Variants in DNAH12 observed in about 807,000 individuals in gnomAD.
DNAH12 encodes the protein dynein axonemal heavy chain 12, also known as axonemal beta dynein heavy chain 12.
In DNAH12, 285 loss-of-function variants were observed where a neutral mutation model predicts 371.5. The ratio of observed to expected loss-of-function variants is 0.77; its 90% CI spans 0.70 to 0.85. The LOEUF (loss-of-function observed/expected upper bound fraction) is 0.85, where lower values mean the gene tolerates loss of function less well. DNAH12 is among the 40% of genes least tolerant of loss of function. DNAH12 has a pLI of 0.00. For synonymous variants in DNAH12, 1,200 were observed against 1,213.0 expected (o/e 0.99, Z 0.22); for missense variants, 3,611 against 3,689.4 (o/e 0.98, Z 0.55).
the DNAH12 span, among the ~76,000 whole-genome samples, chr3:57,554,016 G>A: frequency 6.6e-6 from 1 of 150,974 alleles, no homozygotes; most frequent in Admixed American, 6.6e-5. Flanking sequence ...GTAGAGACAG[G>A]GTTTCACCAT....
At chr3:57,514,846 C>G (rs1188394498) in intron 4 of DNAH12, among the ~76,000 whole-genome samples, 3 of 151,998 alleles carry the variant, frequency 2.0e-5, no homozygotes, top group Admixed American at 2.0e-4. Context: ...CAATACTGAA[C>G]ACAATATTTT....
intron 2 of DNAH12, among the ~76,000 whole-genome samples, chr3:57,536,057 G>A (rs190364857): frequency 8.5e-4 from 128 of 150,832 alleles, no homozygotes; most frequent in African/African-American, 2.8e-3. Context: ...GGCTGGTCTC[G>A]AACTCCTGAC....
At chr3:57,548,911 A>G (rs1476555280), upstream of DNAH12, 1 of 152,252 alleles carries the variant, frequency 6.6e-6, no homozygotes, top group Non-Finnish European at 1.5e-5. Context: ...CTGCATAAGG[A>G]TGACACACAA....
chr3:57,496,068 C>A (rs1418252143), intron 11 of DNAH12, among the ~76,000 whole-genome samples: 3 of 150,534 alleles, frequency 2.0e-5, no homozygotes, highest in Non-Finnish European at 4.4e-5. Flanking sequence ...ACATAACAAT[C>A]CTAAATATCT....
In DNAH12 at chr3:57,344,942, C is replaced by A. The variant is rs139576968; in HGVS notation, c.9674+7143G>T. 5.3e-3 allele frequency among the ~76,000 whole-genome samples: 813 copies of A among 152,174 alleles called. 10 individuals carry two copies. Among genetic ancestry groups the A allele is most frequent in the African/African-American group, 0.019 (788 of 41,528 alleles). On this transcript the variant is annotated intron_variant, in intron 60 of 73. Coordinates refer to ENST00000495027, the MANE Select transcript of DNAH12 (RefSeq NM_001366028.2). ...CACAGGAGTTAAGGTGCTGACCCCC[C>A]ATGTGGTCAAAATTCATGTATAATT...
intron 58 of DNAH12, among the ~76,000 whole-genome samples, chr3:57,359,008 G>A (rs1179780231): frequency 4.6e-5 from 7 of 151,812 alleles, no homozygotes; most frequent in African/African-American, 1.5e-4. Flanking sequence ...AGTCTCGAAC[G>A]CTTGACCTCA....
chr3:57,419,410 T>C lies in DNAH12; in HGVS notation c.5671A>G (p.Ile1891Val). The change falls in exon 37 of 74, where the codon ATT becomes GTT. Residue 1891 changes from isoleucine (I) to valine (V), a missense_variant. Coordinates refer to ENST00000495027, the MANE Select transcript of DNAH12 (RefSeq NM_001366028.2). The part of the protein sequence containing the change: ...QDIIVPTMDT[I>V]RYTFLMDLSI... ...AAATCCATTAGAAACGTATATCTAA[T>C]TGTGTCCATCGTAGGGACTATGATA... 1.3e-6 allele frequency: 2 copies of C among 1,513,632 alleles called. No individual in the cohort carries two copies. The highest frequency in any genetic ancestry group is 1.4e-5 in the African/African-American group (1 of 70,564). The allele number at this position is 1,513,632 out of a possible 1,614,324, so 93.8% of individuals were successfully genotyped here.
At chr3:57,364,849 C>A (rs1238493955) in intron 57 of DNAH12, among the ~76,000 whole-genome samples, 3 of 152,180 alleles carry the variant, frequency 2.0e-5, no homozygotes, top group Non-Finnish European at 4.4e-5. Flanking sequence ...ATGTGGCCAA[C>A]AAACATATGA....
chr3:57,539,827 A>G (rs1322012346), intron 2 of DNAH12, among the ~76,000 whole-genome samples: 3 of 151,762 alleles, frequency 2.0e-5, no homozygotes, highest in Non-Finnish European at 4.4e-5. Flanking sequence ...TGTGTTAGCC[A>G]GGATGGTCTT....
At chr3:57,327,123 A>C (rs2061968704) in intron 62 of DNAH12, among the ~76,000 whole-genome samples, 1 of 151,994 alleles carries the variant, frequency 6.6e-6, no homozygotes, top group African/African-American at 2.4e-5. Flanking sequence ...AGACTTTAAC[A>C]CCCCACTGTC....
intron 25 of DNAH12, among the ~76,000 whole-genome samples, chr3:57,448,719 T>C (rs1389044660): frequency 1.3e-5 from 2 of 150,706 alleles, no homozygotes; most frequent in African/African-American, 2.4e-5. Flanking sequence ...AGGGTGCTGA[T>C]TGGTGCATTT....
chr3:57,459,916 T>C, intron 19 of DNAH12, 130 bp from the exon 20 acceptor site: 1 of 787,154 alleles, frequency 1.3e-6, no homozygotes, highest in Non-Finnish European at 1.7e-6. Context: ...TAAGGTTACT[T>C]ATGTATGTCT....
At chr3:57,302,556 T>TG (rs1559535353) in intron 69 of DNAH12, among the ~76,000 whole-genome samples, 3 of 99,346 alleles carry the variant, frequency 3.0e-5, no homozygotes, top group African/African-American at 1.2e-4. Flanking sequence ...TATATATATA[T>TG]ATATATATGT....
chr3:57,485,946 G>A (rs1213033416), intron 12 of DNAH12, among the ~76,000 whole-genome samples: 4 of 151,936 alleles, frequency 2.6e-5, no homozygotes, highest in Non-Finnish European at 4.4e-5. Context: ...ACTGCTAGGC[G>A]TGGTGGCTCA....
At chr3:57,348,687 C>T (rs571784437) in intron 60 of DNAH12, among the ~76,000 whole-genome samples, 1 of 152,204 alleles carries the variant, frequency 6.6e-6, no homozygotes, top group African/African-American at 2.4e-5. Flanking sequence ...ATATAGAAAA[C>T]TATGAAACAT....
At chr3:57,319,414 A>G (rs374587689) in intron 65 of DNAH12, among the ~76,000 whole-genome samples, 95 of 152,334 alleles carry the variant, frequency 6.2e-4, no homozygotes, top group African/African-American at 2.2e-3. Context: ...TATGTTGAAC[A>G]GAAGTAGAAG....
intron 11 of DNAH12, among the ~76,000 whole-genome samples, chr3:57,492,656 A>G (rs1431955730): frequency 6.6e-6 from 1 of 152,168 alleles, no homozygotes; most frequent in Non-Finnish European, 1.5e-5. Flanking sequence ...TCCCAAAATT[A>G]TTACAAAATT....
At chr3:57,324,537 G>A (rs2153297196) in intron 62 of DNAH12, among the ~76,000 whole-genome samples, 1 of 152,232 alleles carries the variant, frequency 6.6e-6, no homozygotes, top group Non-Finnish European at 1.5e-5. Context: ...AATGTGGTGG[G>A]CCTCATACAA....
chr3:57,427,149 T>TGTGTGTGC (rs2064801229), intron 34 of DNAH12, among the ~76,000 whole-genome samples: 1 of 151,088 alleles, frequency 6.6e-6, no homozygotes, highest in Non-Finnish European at 1.5e-5. Context: ...TGTGTGTGTG[T>TGTGTGTGC]GTGTGTGTGT....
Sources: allele counts gnomAD v4.1 joint callset (sites outside exome capture counted in the v4.1 genomes callset), GRCh38; gene constraint gnomAD v4.1.1; transcripts MANE v1.5; gene names NCBI Gene and HGNC (gene_info 2026-07-23, HGNC 2026-07-21).